The following MACROD2 variants were observed in gnomAD, a reference collection of about 807,000 sequenced individuals.
The protein encoded by MACROD2 is ADP-ribose glycohydrolase MACROD2.
In MACROD2, 36 loss-of-function variants were observed where a neutral mutation model predicts 70.4. The ratio of observed to expected loss-of-function variants is 0.51; its 90% CI spans 0.39 to 0.68. The LOEUF (loss-of-function observed/expected upper bound fraction) is 0.68, where lower values mean the gene tolerates loss of function less well. Ranked by LOEUF, MACROD2 falls within the 30% of genes least tolerant of loss-of-function variation. The probability of loss-of-function intolerance (pLI) is 0.00; values close to 1 mark genes in which losing one functional copy is unlikely to be tolerated. For missense variants in MACROD2, 496 were observed against 538.4 expected, an observed-to-expected ratio of 0.92 and a Z score of 0.78; for synonymous variants, 172 against 178.8, an observed-to-expected ratio of 0.96 and a Z score of 0.30.
chr20:15,745,579 G>C (rs1380851823), intron 8 of MACROD2, among the ~76,000 whole-genome samples: 3 of 151,898 alleles, frequency 2.0e-5, no homozygotes, highest in African/African-American at 7.3e-5. Flanking sequence ...CATTTCTTCT[G>C]GATGTTTTTG....
At chr20:15,359,722 TA>T (rs1458881435) in intron 6 of MACROD2, among the ~76,000 whole-genome samples, 3 of 152,140 alleles carry the variant, frequency 2.0e-5, no homozygotes, top group Non-Finnish European at 4.4e-5. Flanking sequence ...AAAGAGAATT[TA>T]ATTTTTTTAA....
intron 5 of MACROD2, among the ~76,000 whole-genome samples, chr20:14,840,756 A>C (rs2122271832): frequency 6.6e-6 from 1 of 152,286 alleles, no homozygotes; most frequent in South Asian, 2.1e-4. Flanking sequence ...CAGGAACATA[A>C]GAAGTCTTTT....
chr20:14,837,324 A>T (rs910516866), intron 5 of MACROD2, among the ~76,000 whole-genome samples: 18 of 151,712 alleles, frequency 1.2e-4, no homozygotes, highest in African/African-American at 4.1e-4. Context: ...GGAAATTGTT[A>T]AAAAAAAATC....
At position 14,752,083 on chromosome 20, in the gene MACROD2, C is replaced by CTT. The variant is rs11482637; in HGVS notation, c.418+67142_418+67143dup. On this transcript the variant is annotated intron_variant, in intron 5 of 17. Coordinates refer to ENST00000684519, the MANE Select transcript of MACROD2 (RefSeq NM_001351661.2). Reference sequence around the variant, plus strand: ...AGACCTGGTACCACCATCTCCTCATCTTTTTTTTTTTTTTTTTTTAATATG... The same window carrying CTT: ...AGACCTGGTACCACCATCTCCTCATCTTTTTTTTTTTTTTTTTTTTTAATATG... Among the ~76,000 whole-genome samples the CTT allele has an allele frequency of 5.3e-4, 67 of 126,848 alleles. 1 individual carries two copies. Among genetic ancestry groups the CTT allele is most frequent in the African/African-American group, 1.7e-3 (57 of 33,936 alleles). 83.2% of individuals were successfully genotyped at this position (126,848 alleles called of 152,430 possible).
At chr20:14,604,333 A>G (rs779767417) in intron 4 of MACROD2, among the ~76,000 whole-genome samples, 13 of 152,204 alleles carry the variant, frequency 8.5e-5, no homozygotes, top group Non-Finnish European at 1.8e-4. Flanking sequence ...TTGCTATGGT[A>G]TATTTATCTT....
At chr20:14,273,442 C>T (rs1396574622) in intron 3 of MACROD2, among the ~76,000 whole-genome samples, 1 of 148,426 alleles carries the variant, frequency 6.7e-6, no homozygotes, top group African/African-American at 2.5e-5. Flanking sequence ...TTCTTTGAAA[C>T]CAACGAGAAC....
At chr20:14,543,740 T>C (rs538872096) in intron 4 of MACROD2, among the ~76,000 whole-genome samples, 2 of 152,310 alleles carry the variant, frequency 1.3e-5, no homozygotes, top group East Asian at 3.9e-4. Context: ...GATAGTATTA[T>C]ATCAAAACAC....
chr20:14,097,787 C>G (rs1213676674), intron 3 of MACROD2, among the ~76,000 whole-genome samples: 1 of 152,094 alleles, frequency 6.6e-6, no homozygotes, highest in Non-Finnish European at 1.5e-5. Flanking sequence ...CAAGTCTAAA[C>G]ATGAAATTCA....
chr20:15,896,175 A>T (rs1053228391), intron 10 of MACROD2, among the ~76,000 whole-genome samples: 1 of 152,000 alleles, frequency 6.6e-6, no homozygotes, highest in East Asian at 1.9e-4. Flanking sequence ...GTCATTTCAT[A>T]TTTTTTTAGA....
intron 3 of MACROD2, among the ~76,000 whole-genome samples, chr20:14,231,889 A>C (rs1345482289): frequency 6.6e-6 from 1 of 152,216 alleles, no homozygotes; most frequent in African/African-American, 2.4e-5. Flanking sequence ...TCTGATGGCC[A>C]GTGATGATGA....
intron 2 of MACROD2, among the ~76,000 whole-genome samples, chr20:14,032,141 G>A (rs1202184791): frequency 6.6e-6 from 1 of 151,460 alleles, no homozygotes; most frequent in East Asian, 1.9e-4. Context: ...ACTATTTTTT[G>A]ATGATCTCAT....
intron 7 of MACROD2, among the ~76,000 whole-genome samples, chr20:15,470,307 C>G (rs969646091): frequency 6.6e-6 from 1 of 152,202 alleles, no homozygotes; most frequent in African/African-American, 2.4e-5. Flanking sequence ...CCTATGCCTC[C>G]TAAAGTGCTG....
At chr20:15,113,799 T>TGTGTGC (rs1435199929) in intron 5 of MACROD2, among the ~76,000 whole-genome samples, 4 of 146,674 alleles carry the variant, frequency 2.7e-5, no homozygotes, top group Non-Finnish European at 6.1e-5. Context: ...TGTGTGTGTG[T>TGTGTGC]GCTGGAGGGG....
chr20:15,100,196 C>G (rs2075861668), intron 5 of MACROD2, among the ~76,000 whole-genome samples: 1 of 152,098 alleles, frequency 6.6e-6, no homozygotes. Context: ...CTTGGCCTCC[C>G]AAAATGCTGG....
chr20:14,965,453 CTTTTTTTTTTT>C (rs532870999), intron 5 of MACROD2, among the ~76,000 whole-genome samples: 2 of 68,052 alleles, frequency 2.9e-5, no homozygotes, highest in African/African-American at 5.4e-5. Context: ...ATTTTTTTTT[CTTTTTTTTTTT>C]TTTTTTTTTT....
At chr20:15,142,261 T>C (rs1001428890) in intron 5 of MACROD2, among the ~76,000 whole-genome samples, 3 of 152,186 alleles carry the variant, frequency 2.0e-5, no homozygotes, top group African/African-American at 7.2e-5. Context: ...CTAAAAAATG[T>C]TGCTAAAACT....
intron 6 of MACROD2, among the ~76,000 whole-genome samples, chr20:15,430,370 G>A (rs937359979): frequency 6.6e-6 from 1 of 152,038 alleles, no homozygotes; most frequent in Non-Finnish European, 1.5e-5. Context: ...TCTCCGTACT[G>A]TTTTCTGTAG....
intron 1 of MACROD2, among the ~76,000 whole-genome samples, chr20:13,997,463 G>A (rs956691735): frequency 3.9e-5 from 6 of 152,164 alleles, no homozygotes; most frequent in Admixed American, 3.3e-4. Flanking sequence ...ATTGTTTTCA[G>A]TAACATGAAT....
chr20:15,986,971 A>T, intron 14 of MACROD2, 95 bp from the exon 15 acceptor site: 1 of 1,249,824 alleles, frequency 8.0e-7, no homozygotes, highest in South Asian at 1.4e-5. Context: ...GAAGGGGGAA[A>T]AAAGAACTCT....
Sources: allele counts gnomAD v4.1 joint callset (sites outside exome capture counted in the v4.1 genomes callset), GRCh38; gene constraint gnomAD v4.1.1; transcripts MANE v1.5; gene names NCBI Gene and HGNC (gene_info 2026-07-23, HGNC 2026-07-21).